EYS: variants seen among roughly 807,000 people sequenced by gnomAD.
The protein encoded by EYS is EGF-like photoreceptor maintenance factor, also known as protein eyes shut homolog.
Under a neutral mutation model 282.1 loss-of-function variants are expected in EYS, and 250 were observed. The observed-to-expected ratio is 0.89, with a 90% CI of 0.80 to 0.98. The LOEUF is 0.98. EYS is among the 50% of genes least tolerant of loss of function. EYS has a pLI of 0.00. For synonymous variants in EYS, 1,355 were observed against 1,282.9 expected, an observed-to-expected ratio of 1.06 and a Z score of -1.20; for missense variants, 4,016 against 3,709.0, an observed-to-expected ratio of 1.08 and a Z score of -2.15.
chr6:65,003,271 T>C (rs1771526443), intron 13 of EYS, among the ~76,000 whole-genome samples: 1 of 147,186 alleles, frequency 6.8e-6, no homozygotes, highest in African/African-American at 2.4e-5. Flanking sequence ...CGTGGCCATC[T>C]CTTATGGTTG....
intron 35 of EYS, among the ~76,000 whole-genome samples, chr6:63,870,110 T>C (rs535895149): frequency 5.3e-5 from 8 of 152,306 alleles, no homozygotes; most frequent in African/African-American, 1.9e-4. Context: ...AGCTCTCAGG[T>C]AATTTCCTGT....
In EYS at chr6:64,594,291, A is replaced by G. The variant is rs982457658; in HGVS notation, c.3685-982T>C. Among the ~76,000 whole-genome samples, 40 of 152,178 alleles carry G rather than the reference A, an allele frequency of 2.6e-4. 3 individuals carry two copies. Among genetic ancestry groups the G allele is most frequent in the South Asian group, 2.1e-4 (1 of 4,832 alleles). On this transcript the variant is annotated intron_variant, in intron 24 of 42. Coordinates refer to ENST00000503581, the MANE Select transcript of EYS (RefSeq NM_001142800.2). ...TGCTGAAATTGATCATACTTTTAGG[A>G]AAGAACTAACACCAAGTCTTTGCTA... is the stretch of plus-strand genomic sequence containing the variant.
At chr6:63,872,477 G>GTTTTTTTT (rs3041455) in intron 35 of EYS, among the ~76,000 whole-genome samples, 2 of 119,398 alleles carry the variant, frequency 1.7e-5, no homozygotes, top group African/African-American at 3.3e-5. Flanking sequence ...CCTAAATATG[G>GTTTTTTTT]TTTTTTTTTT....
chr6:64,873,419 A>G (rs145851396), intron 19 of EYS, among the ~76,000 whole-genome samples: 141 of 152,186 alleles, frequency 9.3e-4, no homozygotes, highest in African/African-American at 3.2e-3. Context: ...ATTTTCCACT[A>G]CAACACCAGA....
chr6:64,948,240 C>A (rs1769358808), intron 14 of EYS, among the ~76,000 whole-genome samples: 1 of 150,976 alleles, frequency 6.6e-6, no homozygotes, highest in African/African-American at 2.4e-5. Context: ...AAGTGCATAG[C>A]AACTAAAAAT....
At chr6:63,827,974 C>A (rs1209744616) in intron 36 of EYS, among the ~76,000 whole-genome samples, 1 of 151,928 alleles carries the variant, frequency 6.6e-6, no homozygotes, top group Admixed American at 6.6e-5. Flanking sequence ...ATTAAATAAC[C>A]TGCTCCAGAA....
rs186655683 is a variant in EYS at position 65,004,750 on chromosome 6, A to G, written c.2138-7047T>C. Among the ~76,000 whole-genome samples, 120 of 147,084 alleles carry G rather than the reference A, an allele frequency of 8.2e-4. 19 individuals are homozygous for G. In the East Asian group the frequency reaches 0.023, roughly 29 times the overall value. ...GCATATTTCAGCATAAAGGCATCCA[A>G]TTTATTCTCTATTCTCTTCCATATT... On this transcript the variant is annotated intron_variant, in intron 13 of 42. Transcript: ENST00000503581.
intron 22 of EYS, among the ~76,000 whole-genome samples, chr6:64,656,780 T>A (rs1204016721): frequency 6.6e-6 from 1 of 152,204 alleles, no homozygotes; most frequent in East Asian, 1.9e-4. Flanking sequence ...CCAGAATTTC[T>A]GTTCTGCTTT....
chr6:65,227,642 T>C (rs976525882), intron 12 of EYS, among the ~76,000 whole-genome samples: 2 of 152,222 alleles, frequency 1.3e-5, no homozygotes, highest in South Asian at 2.1e-4. Flanking sequence ...AGGAGCATTA[T>C]TAATAATAGA....
At chr6:64,484,437 G>T (rs947110026) in intron 26 of EYS, among the ~76,000 whole-genome samples, 7 of 151,508 alleles carry the variant, frequency 4.6e-5, no homozygotes, top group Non-Finnish European at 8.9e-5. Context: ...TCATGGGCTT[G>T]CAAGTTTGAA....
chr6:64,532,127 C>G (rs540832688), intron 26 of EYS, among the ~76,000 whole-genome samples: 1 of 152,134 alleles, frequency 6.6e-6, no homozygotes, highest in Non-Finnish European at 1.5e-5. Flanking sequence ...CAGGACTAGA[C>G]AGCAATAAAA....
intron 7 of EYS, among the ~76,000 whole-genome samples, chr6:65,390,173 A>C (rs1021412412): frequency 6.6e-6 from 1 of 151,766 alleles, no homozygotes; most frequent in Admixed American, 6.6e-5. Flanking sequence ...GAGAGGGGGA[A>C]ATTAGCAAAA....
intron 19 of EYS, among the ~76,000 whole-genome samples, chr6:64,872,588 T>C (rs1447695428): frequency 6.6e-6 from 1 of 151,948 alleles, no homozygotes; most frequent in African/African-American, 2.4e-5. Context: ...CAGGGAGTGG[T>C]AGTTGACTCC....
intron 18 of EYS, among the ~76,000 whole-genome samples, chr6:64,897,070 G>C (rs1039670767): frequency 6.6e-6 from 1 of 152,192 alleles, no homozygotes; most frequent in Non-Finnish European, 1.5e-5. Flanking sequence ...GCTCTGAAGA[G>C]AGCAGTGGAT....
At chr6:63,974,887 A>C (rs927431417) in intron 35 of EYS, among the ~76,000 whole-genome samples, 3 of 152,036 alleles carry the variant, frequency 2.0e-5, no homozygotes, top group African/African-American at 7.2e-5. Flanking sequence ...GCAGTAATAA[A>C]AGTGGTTAGA....
chr6:63,858,751 G>A (rs1156488629), intron 36 of EYS, among the ~76,000 whole-genome samples: 1 of 152,154 alleles, frequency 6.6e-6, no homozygotes, highest in East Asian at 1.9e-4. Flanking sequence ...GTGTTGAACG[G>A]TGGGGCAATC....
chr6:63,887,489 G>T (rs1009283194), intron 35 of EYS, among the ~76,000 whole-genome samples: 9 of 151,936 alleles, frequency 5.9e-5, no homozygotes, highest in Admixed American at 2.0e-4. Flanking sequence ...TTAGACAATG[G>T]GTACAGCCCA....
chr6:63,959,078 G>A (rs142347784), intron 35 of EYS, among the ~76,000 whole-genome samples: 1,611 of 152,176 alleles, frequency 0.011, 24 homozygotes, highest in African/African-American at 0.037. Flanking sequence ...TAGTGAACAG[G>A]CATCGTATAG....
intron 26 of EYS, among the ~76,000 whole-genome samples, chr6:64,518,793 C>T (rs1438475860): frequency 1.5e-5 from 2 of 135,988 alleles, no homozygotes; most frequent in East Asian, 2.6e-4. Flanking sequence ...CCCCCCTTCT[C>T]AGGGAACTCA....
Sources: gnomAD v4.1 joint callset for allele counts (sites outside exome capture counted in the v4.1 genomes callset) on GRCh38, gnomAD v4.1.1 for gene constraint, MANE v1.5 for transcripts, NCBI Gene and HGNC (gene_info 2026-07-23, HGNC 2026-07-21) for gene names.